The following LNP1 variants were observed in gnomAD, a reference collection of about 807,000 sequenced individuals.
LNP1 encodes leukemia NUP98 fusion partner 1.
Under a neutral mutation model 14.5 loss-of-function variants are expected in LNP1, and 12 were observed. The ratio of observed to expected loss-of-function variants is 0.83; its 90% CI spans 0.53 to 1.34. The LOEUF (loss-of-function observed/expected upper bound fraction) is 1.34. Among genes scored for constraint, LNP1 ranks in the 40% most tolerant of loss-of-function variants. The probability of loss-of-function intolerance (pLI) is 0.00; values close to 1 mark genes in which losing one functional copy is unlikely to be tolerated. For synonymous variants in LNP1, 75 were observed against 71.4 expected (o/e 1.05, Z -0.26); for missense variants, 198 against 210.9 (o/e 0.94, Z 0.38).
At chr3:100,454,916 C>T (rs971607231) in intron 3 of LNP1, among the ~76,000 whole-genome samples, 1 of 152,160 alleles carries the variant, frequency 6.6e-6, no homozygotes, top group African/African-American at 2.4e-5. Context: ...CCCAACATTT[C>T]TAGTTCAAAC....
At chr3:100,433,249 C>G (rs1051427872) in intron 2 of LNP1, among the ~76,000 whole-genome samples, 1 of 152,030 alleles carries the variant, frequency 6.6e-6, no homozygotes, top group African/African-American at 2.4e-5. Flanking sequence ...CCAGTGTGTG[C>G]GTTGTTCCCC....
chr3:100,406,051 C>G (rs1051774488), intron 1 of LNP1, among the ~76,000 whole-genome samples: 1 of 152,034 alleles, frequency 6.6e-6, no homozygotes, highest in Non-Finnish European at 1.5e-5. Context: ...TTTGGGAGGC[C>G]GAAGCGGGTG....
intron 1 of LNP1, among the ~76,000 whole-genome samples, chr3:100,418,899 T>G (rs1440080217): frequency 6.6e-6 from 1 of 152,222 alleles, no homozygotes; most frequent in African/African-American, 2.4e-5. Flanking sequence ...CCTCCCAGTT[T>G]CAGCTACTAT....
Position 100,428,288 on chromosome 3 carries a change from C to T in LNP1, c.-33-1409C>T, listed in dbSNP as rs1576230796. The stretch of plus-strand genomic sequence containing the variant: ...GTGGCTCACGCGTGTAATCCCAGCA[C>T]TTTGGGAGGCTGAGACAGGCAGATC... On this transcript the variant is annotated intron_variant, in intron 1 of 3. Coordinates refer to ENST00000383693, the MANE Select transcript of LNP1 (RefSeq NM_001085451.2). Among the ~76,000 whole-genome samples, 3 of 152,202 alleles carry T rather than the reference C, an allele frequency of 2.0e-5. No individual in the cohort carries two copies. The East Asian group carries it at 5.8e-4, about 29-fold the overall frequency.
chr3:100,407,001 A>G (rs185202794), intron 1 of LNP1, among the ~76,000 whole-genome samples: 1 of 152,306 alleles, frequency 6.6e-6, no homozygotes, highest in East Asian at 1.9e-4. Context: ...CAATTTCACA[A>G]TTTAAGTATT....
At chr3:100,433,736 TG>T (rs1707265070) in intron 2 of LNP1, among the ~76,000 whole-genome samples, 1 of 152,366 alleles carries the variant, frequency 6.6e-6, no homozygotes, top group Middle Eastern at 3.4e-3. Flanking sequence ...TATTGTTTCT[TG>T]GCTTTTTAAT....
intron 2 of LNP1, among the ~76,000 whole-genome samples, chr3:100,433,356 A>T (rs1707260241): frequency 6.6e-6 from 1 of 152,138 alleles, no homozygotes; most frequent in African/African-American, 2.4e-5. Context: ...GCTGAGGGTG[A>T]TGGCTTCCAG....
chr3:100,437,396 G>A (rs1043782289), intron 2 of LNP1, among the ~76,000 whole-genome samples: 3 of 152,126 alleles, frequency 2.0e-5, no homozygotes, highest in Non-Finnish European at 4.4e-5. Flanking sequence ...TTACGATATG[G>A]TGTTGGTGAC....
chr3:100,428,074 A>T (rs907688492), intron 1 of LNP1, among the ~76,000 whole-genome samples: 3 of 152,212 alleles, frequency 2.0e-5, no homozygotes, highest in African/African-American at 7.2e-5. Flanking sequence ...TACTGGCAGG[A>T]TGGTGGAAAG....
At chr3:100,434,405 A>T (rs547819591) in intron 2 of LNP1, among the ~76,000 whole-genome samples, 5 of 152,186 alleles carry the variant, frequency 3.3e-5, no homozygotes, top group Non-Finnish European at 7.4e-5. Flanking sequence ...TGAGTTCTTT[A>T]TTCTGTTCCA....
chr3:100,412,132 G>A (rs892334948), intron 1 of LNP1, among the ~76,000 whole-genome samples: 4 of 152,164 alleles, frequency 2.6e-5, no homozygotes, highest in African/African-American at 9.7e-5. Context: ...TTCTGGAAGA[G>A]GCCATGTGCT....
intron 2 of LNP1, among the ~76,000 whole-genome samples, chr3:100,445,761 C>T (rs1707381686): frequency 6.6e-6 from 1 of 152,066 alleles, no homozygotes; most frequent in South Asian, 2.1e-4. Context: ...TCTCAGTATA[C>T]AAAATCTATG....
chr3:100,440,182 T>C (rs1355816709), intron 2 of LNP1, among the ~76,000 whole-genome samples: 3 of 152,186 alleles, frequency 2.0e-5, no homozygotes, highest in Non-Finnish European at 2.9e-5. Flanking sequence ...ACCGGTCAGA[T>C]TGGATTAGGG....
intron 2 of LNP1, among the ~76,000 whole-genome samples, chr3:100,437,916 T>C (rs887912917): frequency 6.6e-6 from 1 of 152,212 alleles, no homozygotes; most frequent in Non-Finnish European, 1.5e-5. Context: ...TTTATCTCTC[T>C]AATAAAGTCA....
chr3:100,443,027 C>G (rs147288998), intron 2 of LNP1, among the ~76,000 whole-genome samples: 1 of 152,116 alleles, frequency 6.6e-6, no homozygotes, highest in Admixed American at 6.5e-5. Flanking sequence ...ACTCTGAAGT[C>G]CATACATCAG....
chr3:100,433,493 T>C (rs73150365), intron 2 of LNP1, among the ~76,000 whole-genome samples: 7,332 of 152,296 alleles, frequency 0.048, 247 homozygotes, highest in South Asian at 0.086. Context: ...GTTGGTCCTA[T>C]GTCTTTGCTA....
chr3:100,424,364 A>G (rs1249224589), intron 1 of LNP1, among the ~76,000 whole-genome samples: 2 of 152,228 alleles, frequency 1.3e-5, no homozygotes, highest in Admixed American at 6.5e-5. Context: ...ACAAAGCAAA[A>G]CAAGTAAAGA....
At chr3:100,454,396 C>T (rs1400269434) in intron 3 of LNP1, among the ~76,000 whole-genome samples, 3 of 152,136 alleles carry the variant, frequency 2.0e-5, no homozygotes, top group East Asian at 3.8e-4. Context: ...TGATAATCTA[C>T]ACACTTTCCT....
At chr3:100,433,660 G>A (rs188727539) in intron 2 of LNP1, among the ~76,000 whole-genome samples, 2 of 152,210 alleles carry the variant, frequency 1.3e-5, no homozygotes, top group Admixed American at 1.3e-4. Flanking sequence ...CACAATGGTT[G>A]AACTAATTTA....
Sources: allele counts gnomAD v4.1 joint callset (sites outside exome capture counted in the v4.1 genomes callset), GRCh38; gene constraint gnomAD v4.1.1; transcripts MANE v1.5; gene names NCBI Gene and HGNC (gene_info 2026-07-23, HGNC 2026-07-21).